CCDC57: variants seen among roughly 807,000 people sequenced by gnomAD.
CCDC57 encodes the protein coiled-coil domain-containing protein 57.
CCDC57 carries 118 observed loss-of-function variants against 118.9 expected under a neutral mutation model. The observed-to-expected ratio is 0.99, with a 90% CI of 0.86 to 1.16. The LOEUF is 1.16. Ranked by LOEUF, CCDC57 falls within the 50% of genes most tolerant of loss-of-function variation. The pLI, the probability that CCDC57 is intolerant of heterozygous loss-of-function variation, is 0.00. For missense variants in CCDC57, 1,300 were observed against 1,320.7 expected (o/e 0.98, Z 0.24); for synonymous variants, 527 against 532.9 (o/e 0.99, Z 0.15).
At chr17:82,193,826 T>C in exon 7 of CCDC57, 1 of 1,594,168 alleles carries the variant, frequency 6.3e-7, no homozygotes, top group Non-Finnish European at 8.6e-7. Flanking sequence ...TCTAAATCCT[T>C]TACCCTGAAA....
rs369795451 is a variant in CCDC57, at chr17:82,199,432, C to T, written c.408-1010G>A. ...GGCAGAGGTTGCAGTGATCCGAGAT[C>T]GCGCCACTGCACTCCAGCCTGGGCG... is the stretch of plus-strand genomic sequence containing the variant. On this transcript the variant is annotated intron_variant, in intron 3 of 19. Transcript: ENST00000665763. 1.2e-3 allele frequency among the ~76,000 whole-genome samples: 171 copies of T among 144,596 alleles called. 2 individuals are homozygous for T. Among genetic ancestry groups the T allele is most frequent in the African/African-American group, 4.0e-3 (156 of 38,934 alleles). The allele number at this position is 144,596 out of a possible 152,430, so 94.9% of individuals were successfully genotyped here.
chr17:82,121,000 C>A, intron 19 of CCDC57, among the ~76,000 whole-genome samples: 1 of 152,202 alleles, frequency 6.6e-6, no homozygotes, highest in Non-Finnish European at 1.5e-5. Context: ...AGTGATCCAC[C>A]CACCTCGGCC....
intron 13 of CCDC57, among the ~76,000 whole-genome samples, chr17:82,169,420 C>T (rs1446007855): frequency 6.6e-6 from 1 of 152,188 alleles, no homozygotes; most frequent in African/African-American, 2.4e-5. Context: ...TGAGCCACTG[C>T]GCCCGGCAAA....
At chr17:82,105,567 TGC>T (rs1439509853) in intron 19 of CCDC57, among the ~76,000 whole-genome samples, 2 of 152,094 alleles carry the variant, frequency 1.3e-5, no homozygotes, top group African/African-American at 4.8e-5. Context: ...CTCCCCAGCC[TGC>T]GTCAACCCTC....
rs998624332 is a variant in CCDC57, at chr17:82,118,203, G to A, written c.2899+9489C>T. ...AAAAAACCACTTCTGTTCTGAGGGT[G>A]GCTGGGGAGTCTGGAGGGGTGCAGG... is the stretch of plus-strand genomic sequence containing the variant. On this transcript the variant is annotated intron_variant, in intron 19 of 19. Transcript: ENST00000665763. This position sits in a 1 kb window ranked among gnomAD's most constrained non-coding sequence, Gnocchi z 4.7. Among the ~76,000 whole-genome samples, 4 of 152,198 alleles carry A rather than the reference G, an allele frequency of 2.6e-5. No individual in the cohort carries two copies. Among genetic ancestry groups the A allele is most frequent in the African/African-American group, 9.7e-5 (4 of 41,440 alleles).
chr17:82,200,472 C>G (rs2048863177), intron 3 of CCDC57, among the ~76,000 whole-genome samples: 1 of 152,134 alleles, frequency 6.6e-6, no homozygotes, highest in East Asian at 1.9e-4. Flanking sequence ...ACTCCTGCGG[C>G]TTTAAAAAGT....
chr17:82,179,379 G>A (rs1368537017), intron 9 of CCDC57, among the ~76,000 whole-genome samples, 190 bp from the exon 9 acceptor site: 1 of 152,230 alleles, frequency 6.6e-6, no homozygotes, highest in East Asian at 1.9e-4. Context: ...ACGAGCAGGC[G>A]CCAAGGATGC....
intron 4 of CCDC57, 89 bp downstream of exon 3, chr17:82,198,225 G>T: frequency 1.3e-6 from 1 of 743,590 alleles, no homozygotes; most frequent in Non-Finnish European, 2.2e-6. Flanking sequence ...GAACCAAATG[G>T]TTGTCTTTTC....
chr17:82,172,651 A>C lies in CCDC57; in HGVS notation c.1716T>G (p.Asp572Glu), dbSNP rs2044894380. The C allele has an allele frequency of 3.2e-6, 5 of 1,550,372 alleles. No individual in the cohort carries two copies. The highest frequency in any genetic ancestry group is 3.5e-6 in the Non-Finnish European group (4 of 1,147,312). Residue 572 changes from aspartate (D) to glutamate (E), a missense_variant, in exon 12 of 20, where the codon GAT (aspartate) becomes GAG (glutamate). Physicochemically the swap from Asp to Glu is conservative, Grantham distance 45 (BLOSUM62 2). Coordinates refer to ENST00000665763, the Ensembl canonical transcript of CCDC57. The surrounding 1 kb of genome is among the most constrained non-coding windows in gnomAD (Gnocchi z 5.2). ...CCACTTACTCACCAGGAGTGGCGGC[A>C]TCTCCCCCAGCCTCTGGGTCAGGCT... is the stretch of plus-strand genomic sequence containing the variant.
At chr17:82,105,352 C>T (rs1438901427) in intron 19 of CCDC57, among the ~76,000 whole-genome samples, 1 of 152,192 alleles carries the variant, frequency 6.6e-6, no homozygotes, top group African/African-American at 2.4e-5. Context: ...CACCCAAGAT[C>T]AACCCTTCTC....
At chr17:82,190,572 G>A (rs150377452) in intron 7 of CCDC57, among the ~76,000 whole-genome samples, 2,316 of 151,926 alleles carry the variant, frequency 0.015, 61 homozygotes, top group African/African-American at 0.053. Flanking sequence ...GTGCATGCCT[G>A]TACTCCCAGC....
At chr17:82,121,974 G>A (rs2145134653) in intron 19 of CCDC57, among the ~76,000 whole-genome samples, 1 of 152,316 alleles carries the variant, frequency 6.6e-6, no homozygotes, top group South Asian at 2.1e-4. Flanking sequence ...AGCCTCGGTG[G>A]ACGTGTGCTG....
At chr17:82,190,974 A>G (rs749765433) in intron 7 of CCDC57, among the ~76,000 whole-genome samples, 1 of 151,840 alleles carries the variant, frequency 6.6e-6, no homozygotes, top group Non-Finnish European at 1.5e-5. Flanking sequence ...TGCTATAGAA[A>G]AAGCCACGGA....
intron 19 of CCDC57, among the ~76,000 whole-genome samples, chr17:82,121,545 T>C (rs576741646): frequency 2.0e-4 from 30 of 152,294 alleles, no homozygotes; most frequent in African/African-American, 7.0e-4. Context: ...CCCTCCCTGA[T>C]TAAAAGAAAA....
chr17:82,134,773 A>G (rs8075086), intron 16 of CCDC57, among the ~76,000 whole-genome samples: 71,033 of 151,874 alleles, frequency 0.47, 17,421 homozygotes, highest in East Asian at 0.88. Context: ...CATCCTGGGT[A>G]ACTCCATCTC....
chr17:82,179,078 C>G, exon 10 of CCDC57: 1 of 1,614,032 alleles, frequency 6.2e-7, no homozygotes, highest in Admixed American at 1.7e-5. Flanking sequence ...ACTTTTGGAT[C>G]TGGTCCCTTT....
chr17:82,176,101 C>T (rs961161388), intron 11 of CCDC57, among the ~76,000 whole-genome samples: 1 of 152,164 alleles, frequency 6.6e-6, no homozygotes, highest in Non-Finnish European at 1.5e-5. Context: ...GTCTAAAACC[C>T]CTCATGACCT....
chr17:82,158,949 C>T (rs928871701), intron 14 of CCDC57, among the ~76,000 whole-genome samples: 8 of 152,070 alleles, frequency 5.3e-5, no homozygotes, highest in South Asian at 4.1e-4. Context: ...ACCATCTGGG[C>T]TCAAGCAACC....
chr17:82,190,044 C>A (rs530514106), intron 7 of CCDC57, among the ~76,000 whole-genome samples: 2 of 152,194 alleles, frequency 1.3e-5, no homozygotes, highest in East Asian at 3.9e-4. Context: ...AGACACTAGT[C>A]ATCTCCGTGT....
Sources: allele counts gnomAD v4.1 joint callset (sites outside exome capture counted in the v4.1 genomes callset), GRCh38; gene constraint gnomAD v4.1.1; non-coding constraint Gnocchi (gnomAD v3.1); transcripts MANE v1.5; gene names NCBI Gene and HGNC (gene_info 2026-07-23, HGNC 2026-07-21).